Variants in FMN1 observed in about 807,000 individuals in gnomAD.
FMN1 encodes formin-1.
FMN1 carries 110 observed loss-of-function variants against 132.4 expected under a neutral mutation model. The ratio of observed to expected loss-of-function variants is 0.83; its 90% CI spans 0.71 to 0.97. FMN1 has a LOEUF of 0.97. Among genes scored for constraint, FMN1 ranks in the 50% least tolerant of loss-of-function variants. The pLI is 0.00. For synonymous variants in FMN1, 722 were observed against 651.7 expected (o/e 1.11, Z -1.64); for missense variants, 1,792 against 1,705.3 (o/e 1.05, Z -0.90).
At chr15:33,120,289 A>AGATAGCAGATGTGCTAAC (rs1962426850) in intron 4 of FMN1, among the ~76,000 whole-genome samples, 1 of 152,222 alleles carries the variant, frequency 6.6e-6, no homozygotes, top group South Asian at 2.1e-4. Context: ...ACCCTGCTAA[A>AGATAGCAGATGTGCTAAC]GATAGCAGAT....
At chr15:32,799,073 C>A in intron 18 of FMN1, 120 bp from the exon 19 acceptor site, 1 of 732,982 alleles carries the variant, frequency 1.4e-6, no homozygotes, top group Non-Finnish European at 2.2e-6. Flanking sequence ...AACACAGAAG[C>A]TGGGGGCTCA....
chr15:32,969,120 C>G lies in FMN1; in HGVS notation c.2581G>C (p.Ala861Pro). 1 of 1,613,294 alleles carries G rather than the reference C, an allele frequency of 6.2e-7. No individual in the cohort carries two copies. Among genetic ancestry groups the G allele is most frequent in the Non-Finnish European group, 8.5e-7 (1 of 1,179,464 alleles). ...HAALQPMEGM[A>P]SNQQKALPPP... is the part of the protein sequence containing the mutation. The stretch of plus-strand genomic sequence containing the variant: ...GGCAATGCCTTCTGCTGATTTGATG[C>G]CATGCCCTCCATTGGCTGGAGTGCT... Residue 861 changes from alanine (A) to proline (P), a missense_variant, in exon 8 of 21, where the codon GCA becomes CCA. Around this residue, in one of 3 missense-constraint regions of FMN1, gnomAD observed 1,150 missense variants for 1,043.1 expected, o/e 1.10. Coordinates refer to ENST00000616417, the MANE Select transcript of FMN1 (RefSeq NM_001277313.2).
intron 6 of FMN1, among the ~76,000 whole-genome samples, chr15:33,053,773 T>G (rs2037088813): frequency 6.6e-6 from 1 of 152,174 alleles, no homozygotes; most frequent in South Asian, 2.1e-4. Context: ...GGGTCTCCAG[T>G]AAAGGGAGTC....
At chr15:33,093,788 T>C (rs1252467360) in intron 4 of FMN1, among the ~76,000 whole-genome samples, 1 of 152,178 alleles carries the variant, frequency 6.6e-6, no homozygotes, top group Non-Finnish European at 1.5e-5. Flanking sequence ...GGGAGCAAGC[T>C]CTGTAAGTCT....
intron 7 of FMN1, among the ~76,000 whole-genome samples, chr15:33,002,092 G>C (rs1002784455): frequency 2.6e-5 from 4 of 152,176 alleles, no homozygotes; most frequent in African/African-American, 9.7e-5. Context: ...ATTGAATCAT[G>C]CTGTTTTCTT....
intron 19 of FMN1, among the ~76,000 whole-genome samples, chr15:32,778,264 GA>G (rs1184923053): frequency 7.2e-6 from 1 of 138,744 alleles, no homozygotes; most frequent in African/African-American, 2.7e-5. Flanking sequence ...GTATAATATA[GA>G]AATATATATT....
intron 9 of FMN1, among the ~76,000 whole-genome samples, chr15:32,929,988 T>G (rs1176286720): frequency 3.0e-4 from 36 of 121,828 alleles, no homozygotes; most frequent in Non-Finnish European, 5.1e-4. Flanking sequence ...TAAATTTTTT[T>G]TTTTTTTTTT....
intron 6 of FMN1, among the ~76,000 whole-genome samples, chr15:33,041,140 T>TG (rs1261061175): frequency 1.1e-5 from 1 of 92,728 alleles, no homozygotes; most frequent in Non-Finnish European, 2.4e-5. Context: ...CTAAACAGAT[T>TG]GAAAAAAAAA....
At chr15:32,873,062 GTTT>G (rs2059554148) in intron 16 of FMN1, among the ~76,000 whole-genome samples, 12 of 152,214 alleles carry the variant, frequency 7.9e-5, no homozygotes, top group South Asian at 2.1e-4. Context: ...CTGCTAATCA[GTTT>G]GCCACTGTCT....
intron 16 of FMN1, among the ~76,000 whole-genome samples, chr15:32,870,129 G>A (rs2059481592): frequency 6.6e-6 from 1 of 152,164 alleles, no homozygotes; most frequent in Non-Finnish European, 1.5e-5. Context: ...GTTCTTATCT[G>A]CCTGGGATGT....
chr15:32,909,983 G>C (rs896773844), intron 11 of FMN1, among the ~76,000 whole-genome samples: 1 of 152,104 alleles, frequency 6.6e-6, no homozygotes, highest in Non-Finnish European at 1.5e-5. Context: ...AGCAGGCAAT[G>C]GTAGACACAG....
chr15:32,974,821 A>G (rs540253101), intron 7 of FMN1, among the ~76,000 whole-genome samples: 7 of 152,350 alleles, frequency 4.6e-5, no homozygotes, highest in Middle Eastern at 3.4e-3. Context: ...AGAATCTCCA[A>G]AGTAATGTGT....
At chr15:33,094,050 A>G (rs2038992987) in intron 4 of FMN1, among the ~76,000 whole-genome samples, 1 of 143,156 alleles carries the variant, frequency 7.0e-6, no homozygotes, top group African/African-American at 2.4e-5. Flanking sequence ...TTAGAGAAAG[A>G]TATTATTGCC....
chr15:32,865,846 A>T (rs533965210), intron 16 of FMN1, among the ~76,000 whole-genome samples: 2,042 of 134,876 alleles, frequency 0.015, 59 homozygotes, highest in African/African-American at 0.036. Context: ...CAAAAAAAAA[A>T]AAAAAAATAA....
At chr15:33,146,040 A>G (rs911327465) in intron 4 of FMN1, among the ~76,000 whole-genome samples, 2 of 151,136 alleles carry the variant, frequency 1.3e-5, no homozygotes, top group African/African-American at 4.9e-5. Context: ...CAGTGGTGCA[A>G]TCTCGGCTCA....
chr15:33,149,742 A>G (rs1436062576), intron 4 of FMN1: 1 of 970,674 alleles, frequency 1.0e-6, no homozygotes, highest in East Asian at 1.2e-4. Context: ...TACTTTCTGT[A>G]GTAACCTTAA....
At chr15:33,177,023 A>G (rs144107396) in intron 3 of FMN1, among the ~76,000 whole-genome samples, 2 of 152,350 alleles carry the variant, frequency 1.3e-5, no homozygotes, top group East Asian at 3.9e-4. Context: ...CTCACCACGT[A>G]CTGGCCACTC....
intron 12 of FMN1, among the ~76,000 whole-genome samples, chr15:32,902,961 T>C (rs1210878320): frequency 6.6e-6 from 1 of 152,236 alleles, no homozygotes; most frequent in Non-Finnish European, 1.5e-5. Flanking sequence ...GGTCAACTCA[T>C]AACGTCATTA....
At chr15:33,133,727 C>G (rs1963644885) in intron 4 of FMN1, among the ~76,000 whole-genome samples, 1 of 152,166 alleles carries the variant, frequency 6.6e-6, no homozygotes, top group Non-Finnish European at 1.5e-5. Flanking sequence ...AACGTTTCTA[C>G]CCGTTTTATA....
Sources: allele counts gnomAD v4.1 joint callset (sites outside exome capture counted in the v4.1 genomes callset), GRCh38; gene constraint gnomAD v4.1.1; regional missense constraint gnomAD v4.1.1; transcripts MANE v1.5; gene names NCBI Gene and HGNC (gene_info 2026-07-23, HGNC 2026-07-21).